The following CDH13 variants were observed in gnomAD, a reference collection of about 807,000 sequenced individuals.
CDH13 encodes cadherin 13.
CDH13 carries 24 observed loss-of-function variants against 63.8 expected under a neutral mutation model. That is an observed-to-expected ratio of 0.38 (90% CI 0.27 to 0.53). The LOEUF (loss-of-function observed/expected upper bound fraction) is 0.53. Ranked by LOEUF, CDH13 falls within the 20% of genes least tolerant of loss-of-function variation. The pLI, the probability that CDH13 is intolerant of heterozygous loss-of-function variation, is 0.85. For synonymous variants in CDH13, 503 were observed against 355.3 expected (o/e 1.42, Z -4.67); for missense variants, 1,049 against 903.1 (o/e 1.16, Z -2.07).
At position 83,012,602 on chromosome 16, in the gene CDH13, C is replaced by T. The variant is rs139978115; in HGVS notation, c.158-19408C>T. ...TATGACAAATCATATTAAAAGATAACGGATCACTTTAAGTATGGGAAACAG... is the reference window on the plus strand; with the variant it reads ...TATGACAAATCATATTAAAAGATAATGGATCACTTTAAGTATGGGAAACAG... On this transcript the variant is annotated intron_variant, in intron 2 of 13. Transcript: ENST00000567109. Among the ~76,000 whole-genome samples, 203 of 152,100 alleles carry T rather than the reference C, an allele frequency of 1.3e-3. 6 individuals are homozygous for T. The East Asian group carries it at 0.031, about 23-fold the overall frequency.
chr16:82,772,723 CCTT>C (rs1240215289), intron 1 of CDH13, among the ~76,000 whole-genome samples: 3 of 152,168 alleles, frequency 2.0e-5, no homozygotes, highest in Admixed American at 6.5e-5. Flanking sequence ...TCTTTGTCAT[CCTT>C]CTTCTACAGA....
chr16:83,624,279 C>G (rs1910071818), intron 8 of CDH13, among the ~76,000 whole-genome samples: 2 of 152,062 alleles, frequency 1.3e-5, no homozygotes, highest in South Asian at 2.1e-4. Context: ...CTTTTGGTCT[C>G]TCTGGGTCAC....
At chr16:83,496,376 C>A (rs1598154070) in intron 7 of CDH13, among the ~76,000 whole-genome samples, 1 of 150,586 alleles carries the variant, frequency 6.6e-6, no homozygotes, top group African/African-American at 2.4e-5. Flanking sequence ...ACTATCTGAT[C>A]TTTGACAAAC....
At chr16:82,943,300 C>T (rs1458169084) in intron 2 of CDH13, among the ~76,000 whole-genome samples, 1 of 152,076 alleles carries the variant, frequency 6.6e-6, no homozygotes, top group Non-Finnish European at 1.5e-5. Flanking sequence ...CATCATGAGC[C>T]ACATATGATA....
chr16:82,885,889 A>T lies in CDH13; in HGVS notation c.157+27416A>T, dbSNP rs117029269. On this transcript the variant is annotated intron_variant, in intron 2 of 13. Transcript: ENST00000567109. ...TTTAATGATATAATCCATATAAGATACTTGACAAAGTGCCTGGCATAGAGG... is the reference window on the plus strand; with the variant it reads ...TTTAATGATATAATCCATATAAGATTCTTGACAAAGTGCCTGGCATAGAGG... Among the ~76,000 whole-genome samples the T allele has an allele frequency of 7.2e-3, 1,090 of 152,290 alleles. 5 individuals are homozygous for T. Among genetic ancestry groups the T allele is most frequent in the Non-Finnish European group, 0.011 (776 of 68,018 alleles).
At chr16:83,635,271 T>TTTTTG (rs1911150429) in intron 8 of CDH13, among the ~76,000 whole-genome samples, 1 of 152,004 alleles carries the variant, frequency 6.6e-6, no homozygotes, top group Non-Finnish European at 1.5e-5. Flanking sequence ...TTTTGCCTAT[T>TTTTTG]TTTTGTTTCG....
chr16:83,525,004 A>C (rs1008557347), intron 7 of CDH13, among the ~76,000 whole-genome samples: 3 of 152,280 alleles, frequency 2.0e-5, no homozygotes, highest in Non-Finnish European at 2.9e-5. Context: ...CAAAAAACTT[A>C]ATTTTCGGGG....
chr16:83,225,318 C>G (rs748406452), intron 5 of CDH13, among the ~76,000 whole-genome samples: 1 of 152,198 alleles, frequency 6.6e-6, no homozygotes, highest in Non-Finnish European at 1.5e-5. Flanking sequence ...GCTTATTTCT[C>G]CTGGTGCTCC....
At chr16:83,153,211 G>A (rs2037064425) in intron 4 of CDH13, among the ~76,000 whole-genome samples, 1 of 152,104 alleles carries the variant, frequency 6.6e-6, no homozygotes, top group Non-Finnish European at 1.5e-5. Flanking sequence ...GTGAGTTGGG[G>A]AGTGCTGATT....
chr16:83,027,635 T>A (rs546998633), intron 2 of CDH13, among the ~76,000 whole-genome samples: 24 of 152,256 alleles, frequency 1.6e-4, no homozygotes, highest in Admixed American at 1.5e-3. Context: ...GAGACTCAGG[T>A]GGAGAAAAGC....
chr16:83,271,112 G>A (rs1201206529), intron 5 of CDH13, among the ~76,000 whole-genome samples: 1 of 151,818 alleles, frequency 6.6e-6, no homozygotes, highest in African/African-American at 2.4e-5. Context: ...TCCTATAATT[G>A]CCTCTTCTTG....
chr16:83,740,371 G>A (rs1911947441), intron 10 of CDH13, among the ~76,000 whole-genome samples: 1 of 151,940 alleles, frequency 6.6e-6, no homozygotes, highest in Non-Finnish European at 1.5e-5. Flanking sequence ...AAAGAATCAG[G>A]TGCATTGCAG....
intron 7 of CDH13, among the ~76,000 whole-genome samples, chr16:83,579,962 C>A (rs1222332950): frequency 6.6e-6 from 1 of 152,062 alleles, no homozygotes; most frequent in East Asian, 1.9e-4. Flanking sequence ...GAGGCTGTCC[C>A]AGGCAAAGGG....
At chr16:83,527,366 G>A (rs372495203) in intron 7 of CDH13, among the ~76,000 whole-genome samples, 37 of 151,760 alleles carry the variant, frequency 2.4e-4, no homozygotes, top group South Asian at 2.1e-3. Context: ...GGAGAATGGC[G>A]TGAACCCAGG....
chr16:83,067,009 G>T (rs1473314163), intron 3 of CDH13, among the ~76,000 whole-genome samples: 2 of 152,126 alleles, frequency 1.3e-5, no homozygotes, highest in Non-Finnish European at 2.9e-5. Flanking sequence ...CTGCAAAGTT[G>T]CCTCCAGGAG....
chr16:83,232,930 A>G (rs1471114671), intron 5 of CDH13, among the ~76,000 whole-genome samples: 1 of 152,138 alleles, frequency 6.6e-6, no homozygotes, highest in Non-Finnish European at 1.5e-5. Flanking sequence ...GGTATTTCCA[A>G]GGAAAGGCAA....
intron 3 of CDH13, among the ~76,000 whole-genome samples, chr16:83,087,341 G>A (rs947320657): frequency 6.6e-6 from 1 of 152,054 alleles, no homozygotes; most frequent in Non-Finnish European, 1.5e-5. Context: ...CCAAATGATA[G>A]GATTAAAATA....
rs543424642 is a variant in CDH13, at chr16:83,221,081, T to C, written c.636+3584T>C. 2.2e-3 allele frequency among the ~76,000 whole-genome samples: 337 copies of C among 152,338 alleles called. 4 individuals carry two copies. The highest frequency in any genetic ancestry group is 7.9e-3 in the African/African-American group (327 of 41,574). On this transcript the variant is annotated intron_variant, in intron 5 of 13. Coordinates refer to ENST00000567109, the MANE Select transcript of CDH13 (RefSeq NM_001257.5). Reference sequence around the variant, plus strand: ...CAGCTGGCATGTATTGGATTTGGGATCCATATCCATTTCTTTTCAGCTCCA... The same window carrying C: ...CAGCTGGCATGTATTGGATTTGGGACCCATATCCATTTCTTTTCAGCTCCA...
At chr16:83,566,073 G>T (rs1184604776) in intron 7 of CDH13, among the ~76,000 whole-genome samples, 1 of 152,168 alleles carries the variant, frequency 6.6e-6, no homozygotes, top group Non-Finnish European at 1.5e-5. Flanking sequence ...TCCGTCTCTT[G>T]ACTTGGACTA....
Sources: gnomAD v4.1 joint callset for allele counts (sites outside exome capture counted in the v4.1 genomes callset) on GRCh38, gnomAD v4.1.1 for gene constraint, MANE v1.5 for transcripts, NCBI Gene and HGNC (gene_info 2026-07-23, HGNC 2026-07-21) for gene names.